Variants in ATP2B2 observed in about 807,000 individuals in gnomAD.
ATP2B2 encodes plasma membrane calcium-transporting ATPase 2.
ATP2B2 carries 15 observed loss-of-function variants against 120.0 expected under a neutral mutation model. That is an observed-to-expected ratio of 0.12 (90% CI 0.08 to 0.19). ATP2B2 has a LOEUF of 0.19. Among genes scored for constraint, ATP2B2 ranks in the 10% least tolerant of loss-of-function variants. The pLI is 1.00. For synonymous variants in ATP2B2, 694 were observed against 700.3 expected (o/e 0.99, Z 0.14); for missense variants, 1,045 against 1,719.8 (o/e 0.61, Z 6.94).
At chr3:10,408,638 T>C (rs1358885270) in intron 3 of ATP2B2, among the ~76,000 whole-genome samples, 1 of 152,202 alleles carries the variant, frequency 6.6e-6, no homozygotes, top group African/African-American at 2.4e-5. Flanking sequence ...CCCTACAGTC[T>C]AACGTAGCTT....
chr3:10,679,316 G>T (rs1449866845), intron 1 of ATP2B2, among the ~76,000 whole-genome samples: 2 of 152,186 alleles, frequency 1.3e-5, no homozygotes, highest in Non-Finnish European at 2.9e-5. Context: ...TACATCACAG[G>T]AATGTTTATG....
intron 2 of ATP2B2, among the ~76,000 whole-genome samples, chr3:10,421,922 T>C (rs1361357800): frequency 1.3e-5 from 2 of 152,248 alleles, no homozygotes; most frequent in Non-Finnish European, 2.9e-5. Context: ...CTTGATTTAT[T>C]CAGCAAGAAC....
chr3:10,338,784 G>T, intron 21 of ATP2B2: 1 of 288,020 alleles, frequency 3.5e-6, no homozygotes, highest in South Asian at 3.3e-5. Context: ...TGAGAACTGG[G>T]CACGGTGGAG....
intron 1 of ATP2B2, among the ~76,000 whole-genome samples, chr3:10,487,240 G>GCA (rs1491335361): frequency 2.0e-5 from 3 of 151,902 alleles, no homozygotes; most frequent in Admixed American, 6.6e-5. Context: ...GCATGTGTGT[G>GCA]CGCACACACA....
At chr3:10,477,448 C>T (rs1367120396) in intron 1 of ATP2B2, among the ~76,000 whole-genome samples, 1 of 152,222 alleles carries the variant, frequency 6.6e-6, no homozygotes, top group African/African-American at 2.4e-5. Context: ...AGTTCAGTGA[C>T]ATTAAGTGCA....
intron 2 of ATP2B2, among the ~76,000 whole-genome samples, chr3:10,534,898 G>GTTTTTTT (rs59467255): frequency 1.8e-4 from 16 of 87,728 alleles, no homozygotes; most frequent in African/African-American, 2.3e-4. Context: ...CATTTATTTG[G>GTTTTTTT]TTTTTTTTTT....
chr3:10,681,987 C>T (rs2071394952), intron 1 of ATP2B2, among the ~76,000 whole-genome samples: 1 of 152,156 alleles, frequency 6.6e-6, no homozygotes, highest in African/African-American at 2.4e-5. Flanking sequence ...ATCAGAGATA[C>T]CTGAGGCAGT....
intron 2 of ATP2B2, among the ~76,000 whole-genome samples, chr3:10,445,773 C>T (rs1484568484): frequency 7.9e-5 from 12 of 152,356 alleles, no homozygotes; most frequent in Non-Finnish European, 1.2e-4. Flanking sequence ...CAGCTCCCTA[C>T]TCGTCAGCAG....
intron 3 of ATP2B2, among the ~76,000 whole-genome samples, chr3:10,515,953 C>T (rs2066868581): frequency 6.6e-6 from 1 of 152,172 alleles, no homozygotes; most frequent in Admixed American, 6.5e-5. Flanking sequence ...GGTGTGGCAG[C>T]AGTCTTGTTC....
intron 2 of ATP2B2, among the ~76,000 whole-genome samples, chr3:10,562,045 G>A (rs1480303464): frequency 6.6e-6 from 1 of 152,192 alleles, no homozygotes; most frequent in East Asian, 1.9e-4. Context: ...ACATGCCTCT[G>A]TGAGGAACTC....
intron 3 of ATP2B2, among the ~76,000 whole-genome samples, chr3:10,526,622 G>A (rs776297018): frequency 1.1e-4 from 17 of 152,164 alleles, no homozygotes; most frequent in Non-Finnish European, 1.9e-4. Context: ...CCAGACCCAT[G>A]CCCAGAACCA....
intron 1 of ATP2B2, among the ~76,000 whole-genome samples, chr3:10,707,294 G>T (rs781611102): frequency 1.3e-5 from 2 of 152,208 alleles, no homozygotes; most frequent in African/African-American, 2.4e-5. Flanking sequence ...TGGCCAGGGG[G>T]GCCAGGAGGA....
At chr3:10,357,881 G>A (rs1457189420) in intron 14 of ATP2B2, among the ~76,000 whole-genome samples, 2 of 152,170 alleles carry the variant, frequency 1.3e-5, no homozygotes, top group Non-Finnish European at 2.9e-5. Flanking sequence ...CTTCAGCCTG[G>A]GAAGCACCAC....
intron 12 of ATP2B2, among the ~76,000 whole-genome samples, chr3:10,361,756 A>C (rs1206387157): frequency 6.6e-6 from 1 of 152,160 alleles, no homozygotes; most frequent in Non-Finnish European, 1.5e-5. Context: ...GTTTTTGAAA[A>C]CTGCCATGTG....
chr3:10,374,168 G>C (rs1007930907), intron 11 of ATP2B2, among the ~76,000 whole-genome samples: 44 of 152,198 alleles, frequency 2.9e-4, no homozygotes, highest in Admixed American at 3.3e-4. Context: ...TCCCAAACCA[G>C]CTCTGTGCAA....
chr3:10,458,017 A>G (rs1444762887), intron 1 of ATP2B2, among the ~76,000 whole-genome samples: 2 of 152,104 alleles, frequency 1.3e-5, no homozygotes, highest in African/African-American at 4.8e-5. Context: ...GGAGTTGCCA[A>G]TGTTAGATGG....
At position 10,495,242 on chromosome 3, in the gene ATP2B2, T is replaced by C. The variant is rs2066097080; in HGVS notation, c.-320+10223A>G. Among the ~76,000 whole-genome samples, 3 of 152,214 alleles carry C rather than the reference T, an allele frequency of 2.0e-5. No individual in the cohort carries two copies. The South Asian group carries it at 6.2e-4, about 32-fold the overall frequency. ...GACGTCTGGCCCAAGCCACGCCTTT[T>C]TCCTGGAGGGTTGGGGGAGGGGCTA... On this transcript the variant is annotated intron_variant, in intron 1 of 22. Coordinates refer to ENST00000360273, the MANE Select transcript of ATP2B2 (RefSeq NM_001001331.4).
At chr3:10,546,276 G>A (rs2067543970) in intron 2 of ATP2B2, among the ~76,000 whole-genome samples, 2 of 152,110 alleles carry the variant, frequency 1.3e-5, no homozygotes, top group African/African-American at 4.8e-5. Context: ...ACTCCAGCAG[G>A]AGGCAAGACA....
rs1358580243 is a variant in ATP2B2 at position 10,324,576 on chromosome 3, A to G, written c.*4238T>C. ...TTCAAGAAACGCTCTTCCCTACAAG[A>G]GCCTCTAATGGTGGGATTTTGGACA... On this transcript the variant is annotated 3_prime_UTR_variant, in exon 23 of 23. Transcript: ENST00000360273. The G allele has an allele frequency of 2.0e-5, 3 of 152,190 alleles. No homozygotes were observed. The highest frequency in any genetic ancestry group is 4.4e-5 in the Non-Finnish European group (3 of 68,052). The allele number at this position is 152,190 out of a possible 1,614,324, so 9.4% of individuals were successfully genotyped here. A position where few individuals can be genotyped will look rare whatever the true frequency, so the allele number is the denominator to read the frequency against.
Sources: gnomAD v4.1 joint callset for allele counts (sites outside exome capture counted in the v4.1 genomes callset) on GRCh38, gnomAD v4.1.1 for gene constraint, MANE v1.5 for transcripts, NCBI Gene and HGNC (gene_info 2026-07-23, HGNC 2026-07-21) for gene names.